The following KCP variants were observed in gnomAD, a reference collection of about 807,000 sequenced individuals.
The protein encoded by KCP is kielin/chordin-like protein.
In KCP, 194 loss-of-function variants were observed where a neutral mutation model predicts 212.7. That is an observed-to-expected ratio of 0.91 (90% CI 0.81 to 1.03). The LOEUF (loss-of-function observed/expected upper bound fraction) is 1.03. Among genes scored for constraint, KCP ranks in the 50% least tolerant of loss-of-function variants. The pLI is 0.00. For synonymous variants in KCP, 833 were observed against 865.3 expected, an observed-to-expected ratio of 0.96 and a Z score of 0.65; for missense variants, 2,080 against 2,162.5, an observed-to-expected ratio of 0.96 and a Z score of 0.76.
chr7:128,906,228 G>A, intron 5 of KCP, 51 bp downstream of exon 5: 1 of 1,424,856 alleles, frequency 7.0e-7, no homozygotes, highest in Non-Finnish European at 9.7e-7. Flanking sequence ...CTGTGTCTGT[G>A]GGCCAGAGAA....
At chr7:128,885,971 T>C (rs1305592014) in intron 26 of KCP, among the ~76,000 whole-genome samples, 3 of 152,204 alleles carry the variant, frequency 2.0e-5, no homozygotes, top group Non-Finnish European at 4.4e-5. Flanking sequence ...GCCTGGCACA[T>C]GCTACCTGCT....
Position 128,877,874 on chromosome 7 carries a change from C to T in KCP, c.4312-84G>A, listed in dbSNP as rs1793090853. 3.2e-6 allele frequency: 4 copies of T among 1,257,198 alleles called. No homozygotes were observed. The South Asian group carries it at 6.0e-5, about 19-fold the overall frequency. 77.9% of individuals were successfully genotyped at this position (1,257,198 alleles called of 1,614,324 possible). A position where few individuals can be genotyped will look rare whatever the true frequency, so the allele number is the denominator to read the frequency against. Reference sequence around the variant, plus strand: ...CGTGCTCTTCAAAGCACTTCCCACCCAGTCATTTGCTTTAGTCCCCAAAAC... The same window carrying T: ...CGTGCTCTTCAAAGCACTTCCCACCTAGTCATTTGCTTTAGTCCCCAAAAC... On this transcript the variant is annotated intron_variant, in intron 38 of 39. Coordinates refer to ENST00000610776, the MANE Select transcript of KCP (RefSeq NM_001366122.1).
chr7:128,897,258 C>T (rs2128948910), intron 8 of KCP, among the ~76,000 whole-genome samples: 1 of 152,304 alleles, frequency 6.6e-6, no homozygotes, highest in South Asian at 2.1e-4. Context: ...GCCCAGCAAA[C>T]TTGTCAGTTA....
Position 128,907,371 on chromosome 7 carries a change from CGCCCCAGCCCCCAGCACTGGGGA to C in KCP, c.279_301del (p.Pro94CysfsTer11), listed in dbSNP as rs756343645. The C allele has an allele frequency of 6.5e-7, 1 of 1,541,022 alleles. No individual in the cohort carries two copies. Among genetic ancestry groups the C allele is most frequent in the African/African-American group, 1.4e-5 (1 of 72,830 alleles). On this transcript the variant is annotated frameshift_variant, in exon 3 of 40. Transcript: ENST00000610776. LOFTEE classifies it high-confidence loss of function. ...CCAGCGTGCCCCCTCGGGCCAGGCACGCCCCAGCCCCCAGCACTGGGGAGATGCAGGGTGGCACTCACAGGACT... is the reference window on the plus strand; with the variant it reads ...CCAGCGTGCCCCCTCGGGCCAGGCACGATGCAGGGTGGCACTCACAGGACT...
At chr7:128,892,434 GTA>G in intron 16 of KCP, 78 bp downstream of exon 16, 1 of 1,034,286 alleles carries the variant, frequency 9.7e-7, no homozygotes, top group South Asian at 1.7e-5. Flanking sequence ...GCTTTCTAAG[GTA>G]CCTGTTGGGC....
chr7:128,903,887 T>A (rs1794986960), intron 6 of KCP, 67 bp from the exon 7 acceptor site: 1 of 1,242,790 alleles, frequency 8.0e-7, no homozygotes, highest in Non-Finnish European at 1.2e-6. Context: ...GGGCGGGTGT[T>A]GGGCACCCTC....
Position 128,892,512 on chromosome 7 carries a change from ACCTGGGCACCTGGGGCAACACTGG to A in KCP, c.1599_1621+1del. The A allele has an allele frequency of 6.6e-7, 1 of 1,519,484 alleles. No homozygotes were observed. 94.1% of individuals were successfully genotyped at this position (1,519,484 alleles called of 1,614,324 possible). A position where few individuals can be genotyped will look rare whatever the true frequency, so the allele number is the denominator to read the frequency against. ...CCTCAGGCCCAGTGAGTGCCCACAT[ACCTGGGCACCTGGGGCAACACTGG>A]CCTGGTCCACTCTGGGGCCTGGCAC... On this transcript the variant is annotated splice_donor_variant and coding_sequence_variant, in exon 16 of 40. Coordinates refer to ENST00000610776, the MANE Select transcript of KCP (RefSeq NM_001366122.1). LOFTEE classifies it high-confidence loss of function.
chr7:128,888,596 CCACACACACACAGCCAGACA>C, intron 22 of KCP, among the ~76,000 whole-genome samples: 1 of 135,208 alleles, frequency 7.4e-6, no homozygotes, highest in African/African-American at 2.8e-5. Context: ...ACACACAGAG[CCACACACACACAGCCAGACA>C]CACACACACA....
In KCP at chr7:128,888,945, C is replaced by T; in HGVS notation, c.2430G>A (p.Val810=). ...CNLCTCLGGF[V]TCGRRPCEPP... is the part of the protein sequence containing the mutation. Reference sequence around the variant, plus strand: ...GCTCACAGGGCCGGCGGCCGCAGGTCACGAAGCCTCCAAGACAGGTACACA... The same window carrying T: ...GCTCACAGGGCCGGCGGCCGCAGGTTACGAAGCCTCCAAGACAGGTACACA... The change falls in exon 22 of 40, where the codon GTG becomes GTA. Residue 810 remains valine, a synonymous_variant. Transcript: ENST00000610776. 6.5e-7 allele frequency: 1 copy of T among 1,550,216 alleles called. No individual in the cohort carries two copies. The highest frequency in any genetic ancestry group is 8.7e-7 in the Non-Finnish European group (1 of 1,146,636).
chr7:128,904,123 C>G lies in KCP; in HGVS notation c.587G>C (p.Gly196Ala). ...GGTGACCCCCTCCTCATAAAGCTGCCCCTCATAATCACAGCCTGGGAAGGT... is the reference window on the plus strand; with the variant it reads ...GGTGACCCCCTCCTCATAAAGCTGCGCCTCATAATCACAGCCTGGGAAGGT... ...PHCKPGCDYE[G>A]QLYEEGVTFL... The change falls in exon 6 of 40, where the codon GGG becomes GCG. Residue 196 changes from glycine (G) to alanine (A), a missense_variant. Transcript: ENST00000610776. 1 of 1,551,636 alleles carries G rather than the reference C, an allele frequency of 6.4e-7. No individual in the cohort carries two copies.
intron 29 of KCP, 136 bp downstream of exon 29, chr7:128,883,866 T>A: frequency 2.6e-6 from 3 of 1,145,410 alleles, no homozygotes; most frequent in Non-Finnish European, 2.3e-6. Flanking sequence ...GGTGCAGCCC[T>A]CGCCGGCCAG....
At chr7:128,904,417 C>T (rs780171023) in intron 5 of KCP, 9 of 1,415,846 alleles carry the variant, frequency 6.4e-6, no homozygotes, top group Non-Finnish European at 8.8e-6. Context: ...TCCCTTCCCC[C>T]ACCATCCTCC....
In KCP at chr7:128,907,279, G is replaced by A. The variant is rs765940442; in HGVS notation, c.394C>T (p.Leu132=). ...TGGCACTTACCCCTGCAATGGGGCAGGTGTGCTTGGGGGCCACAGTGAGCG... is the reference window on the plus strand; with the variant it reads ...TGGCACTTACCCCTGCAATGGGGCAAGTGTGCTTGGGGGCCACAGTGAGCG... The part of the protein sequence containing the change: ...GAAHCGPQAH[L]PHCRGCSQNG... The change falls in exon 3 of 40, where the codon CTG becomes TTG. Residue 132 remains leucine, a synonymous_variant. Coordinates refer to ENST00000610776, the MANE Select transcript of KCP (RefSeq NM_001366122.1). 1.4e-4 allele frequency: 218 copies of A among 1,534,244 alleles called. No homozygotes were observed. In the African/African-American group the frequency reaches 2.4e-3, roughly 17 times the overall value.
In KCP at chr7:128,884,069, G is replaced by A. The variant is rs1281367888; in HGVS notation, c.3177C>T (p.Ser1059=). 8.4e-6 allele frequency: 13 copies of A among 1,543,872 alleles called. No homozygotes were observed. The highest frequency in any genetic ancestry group is 4.1e-5 in the Admixed American group (2 of 49,256). ...GCTGGCTGGGGGGGCAGCCCACCAG[G>A]CTGGGACACTGCCGCCGGTGACAGC... ...SLRCHRRQCP[S]LVGCPPSQLL... is the part of the protein sequence containing the mutation. Residue 1059 remains serine (S), a synonymous_variant, in exon 29 of 40, where the codon AGC becomes AGT. Transcript: ENST00000610776.
At chr7:128,880,273 C>T (rs759583773) in intron 34 of KCP, 113 bp downstream of exon 34, 4 of 1,375,412 alleles carry the variant, frequency 2.9e-6, no homozygotes, top group Non-Finnish European at 3.9e-6. Flanking sequence ...GTCCCCAGCT[C>T]CCAGCTGGCG....
Position 128,878,713 on chromosome 7 carries a change from C to T in KCP, c.4156G>A (p.Asp1386Asn). 6.5e-7 allele frequency: 1 copy of T among 1,549,604 alleles called. No homozygotes were observed. The highest frequency in any genetic ancestry group is 1.4e-5 in the African/African-American group (1 of 73,186). The change falls in exon 38 of 40, where the codon GAT becomes AAT. Residue 1386 changes from aspartate (D) to asparagine (N), a missense_variant. Physicochemically the swap from Asp to Asn is conservative, Grantham distance 23. Transcript: ENST00000610776. Reference sequence around the variant, plus strand: ...CTCACCTCCACCTGGGACTGCCCATCCCACAGCACCTGTGTGGAGAGGCCT... The same window carrying T: ...CTCACCTCCACCTGGGACTGCCCATTCCACAGCACCTGTGTGGAGAGGCCT... ...HAQPGLQVLW[D>N]GQSQVEVSVP...
At position 128,885,081 on chromosome 7, in the gene KCP, C is replaced by T. The variant is rs1427971455; in HGVS notation, c.3040+16G>A. On this transcript the variant is annotated intron_variant, in intron 27 of 39. Coordinates refer to ENST00000610776, the MANE Select transcript of KCP (RefSeq NM_001366122.1). ...TCCCTCCTCGCCTTTCCCCTCCCGC[C>T]CCAGGCTTCCAGTACCAGAGCATTG... The T allele has an allele frequency of 3.9e-6, 6 of 1,550,646 alleles. No individual in the cohort carries two copies. The highest frequency in any genetic ancestry group is 1.2e-5 in the South Asian group (1 of 84,060).
At chr7:128,881,904 G>C (rs1188775849) in intron 30 of KCP, 33 bp downstream of exon 30, 1 of 1,538,866 alleles carries the variant, frequency 6.5e-7, no homozygotes, top group Non-Finnish European at 8.8e-7. Context: ...GAAGAAGAGG[G>C]GCTCTGTGAG....
chr7:128,895,871 T>C (rs1794488277), intron 8 of KCP, among the ~76,000 whole-genome samples: 1 of 152,192 alleles, frequency 6.6e-6, no homozygotes, highest in East Asian at 1.9e-4. Context: ...CATCAATAAA[T>C]AACCATAAAA....
Sources: gnomAD v4.1 joint callset for allele counts (sites outside exome capture counted in the v4.1 genomes callset) on GRCh38, gnomAD v4.1.1 for gene constraint, MANE v1.5 for transcripts, NCBI Gene and HGNC (gene_info 2026-07-23, HGNC 2026-07-21) for gene names.